FBXO34: variants seen among roughly 807,000 people sequenced by gnomAD.
FBXO34 encodes F-box only protein 34.
In FBXO34, 12 loss-of-function variants were observed where a neutral mutation model predicts 24.5. That is an observed-to-expected ratio of 0.49 (90% CI 0.31 to 0.79). The LOEUF (loss-of-function observed/expected upper bound fraction) is 0.79. Ranked by LOEUF, FBXO34 falls within the 30% of genes least tolerant of loss-of-function variation. The probability of loss-of-function intolerance (pLI) is 0.04; values close to 1 mark genes in which losing one functional copy is unlikely to be tolerated. For synonymous variants in FBXO34, 320 were observed against 311.9 expected (o/e 1.03, Z -0.27); for missense variants, 823 against 857.7 (o/e 0.96, Z 0.51).
the FBXO34 span, among the ~76,000 whole-genome samples, chr14:55,442,757 A>G: frequency 0.011 from 1,709 of 152,312 alleles, 36 homozygotes; most frequent in African/African-American, 0.039. Context: ...TAGCTCAAAT[A>G]TTAGCTCTTA....
chr14:55,398,704 A>T, the FBXO34 span, among the ~76,000 whole-genome samples: 1 of 152,130 alleles, frequency 6.6e-6, no homozygotes, highest in Non-Finnish European at 1.5e-5. Flanking sequence ...AGAAAGTTCC[A>T]CGCGTACTTG....
At chr14:55,355,477 C>G (rs563396187), downstream of FBXO34, among the ~76,000 whole-genome samples, 1 of 152,194 alleles carries the variant, frequency 6.6e-6, no homozygotes, top group South Asian at 2.1e-4. Flanking sequence ...ATCGCAGATT[C>G]AACCAGCCTC....
the FBXO34 span, among the ~76,000 whole-genome samples, chr14:55,376,419 C>T: frequency 6.6e-6 from 1 of 152,174 alleles, no homozygotes; most frequent in Non-Finnish European, 1.5e-5. Context: ...TTCCATGGCT[C>T]ATGAACCAAT....
intron 1 of FBXO34, among the ~76,000 whole-genome samples, chr14:55,348,824 C>G (rs555793447): frequency 1.3e-5 from 2 of 152,120 alleles, no homozygotes; most frequent in Non-Finnish European, 1.5e-5. Flanking sequence ...TTGTTCCAGA[C>G]GATCACTTTC....
At chr14:55,324,095 T>C (rs1594752036) in intron 1 of FBXO34, among the ~76,000 whole-genome samples, 1 of 151,658 alleles carries the variant, frequency 6.6e-6, no homozygotes, top group African/African-American at 2.4e-5. Flanking sequence ...CATTCCCTCC[T>C]CCCCCCCAGT....
chr14:55,427,880 C>CTTTT, the FBXO34 span, among the ~76,000 whole-genome samples: 5 of 130,892 alleles, frequency 3.8e-5, no homozygotes, highest in African/African-American at 1.1e-4. Context: ...GTTAGGATTG[C>CTTTT]TTTTTTTTTT....
chr14:55,440,582 G>A, the FBXO34 span: 4 of 1,550,718 alleles, frequency 2.6e-6, 1 homozygote, highest in South Asian at 3.7e-5. Flanking sequence ...GGCGGCCCTC[G>A]GCCCAGGTTC....
chr14:55,411,729 C>T, the FBXO34 span: 6 of 1,611,702 alleles, frequency 3.7e-6, no homozygotes, highest in East Asian at 4.5e-5. Context: ...CCCTCCGCAT[C>T]GTCCACGGAG....
chr14:55,401,740 C>T, the FBXO34 span, among the ~76,000 whole-genome samples: 4 of 152,096 alleles, frequency 2.6e-5, no homozygotes, highest in Non-Finnish European at 5.9e-5. Context: ...GAGAAGGGTG[C>T]TCGCACACAG....
chr14:55,349,523 TACAC>T, intron 1 of FBXO34, among the ~76,000 whole-genome samples: 1 of 151,784 alleles, frequency 6.6e-6, no homozygotes, highest in Non-Finnish European at 1.5e-5. Flanking sequence ...ATGGGCAAAG[TACAC>T]AGGAAGCAAA....
At chr14:55,292,469 C>G (rs1881975074) in intron 1 of FBXO34, among the ~76,000 whole-genome samples, 2 of 152,094 alleles carry the variant, frequency 1.3e-5, no homozygotes, top group African/African-American at 4.8e-5. Context: ...AAGTGATCCT[C>G]ACACCTCAGC....
At chr14:55,278,059 T>A (rs1402075900) in intron 1 of FBXO34, among the ~76,000 whole-genome samples, 1 of 152,172 alleles carries the variant, frequency 6.6e-6, no homozygotes, top group Non-Finnish European at 1.5e-5. Context: ...TGTCGTTGAA[T>A]CAGAAAGCCG....
the FBXO34 span, among the ~76,000 whole-genome samples, chr14:55,416,695 A>G: frequency 6.6e-6 from 1 of 152,200 alleles, no homozygotes; most frequent in Non-Finnish European, 1.5e-5. Flanking sequence ...TGAAGAAGCA[A>G]GAACCACTGC....
chr14:55,385,821 T>A, the FBXO34 span: 1 of 1,503,082 alleles, frequency 6.7e-7, no homozygotes, highest in Non-Finnish European at 9.1e-7. Flanking sequence ...ATTTGGAACT[T>A]GATCTATTCC....
the FBXO34 span, among the ~76,000 whole-genome samples, chr14:55,386,595 A>C: frequency 6.6e-6 from 1 of 152,226 alleles, no homozygotes; most frequent in Non-Finnish European, 1.5e-5. Context: ...AGCTCTGAAA[A>C]GTCACAGTGG....
the FBXO34 span, among the ~76,000 whole-genome samples, chr14:55,426,857 A>G: frequency 6.6e-6 from 1 of 152,240 alleles, no homozygotes; most frequent in Middle Eastern, 3.2e-3. Context: ...TGGTAGTAAT[A>G]ACAAGGGGCA....
chr14:55,412,412 AAAC>A, the FBXO34 span, among the ~76,000 whole-genome samples: 2 of 152,196 alleles, frequency 1.3e-5, no homozygotes, highest in Non-Finnish European at 2.9e-5. Flanking sequence ...CCAATAGTGA[AAAC>A]AACCAAAGTG....
At chr14:55,385,975 T>C in the FBXO34 span, 2 of 1,614,216 alleles carry the variant, frequency 1.2e-6, no homozygotes, top group South Asian at 1.1e-5. Flanking sequence ...TGGTCTTTTT[T>C]TCTACCAGGT....
At chr14:55,342,930 CTG>C (rs1366135664) in intron 1 of FBXO34, among the ~76,000 whole-genome samples, 3 of 152,184 alleles carry the variant, frequency 2.0e-5, no homozygotes, top group African/African-American at 7.2e-5. Flanking sequence ...ATCCAGGAGA[CTG>C]TATTTCCTAT....
Sources: allele counts gnomAD v4.1 joint callset (sites outside exome capture counted in the v4.1 genomes callset), GRCh38; gene constraint gnomAD v4.1.1; transcripts MANE v1.5; gene names NCBI Gene and HGNC (gene_info 2026-07-23, HGNC 2026-07-21).